Variants in RPTN observed in about 807,000 individuals in gnomAD.
RPTN encodes repetin, also known as intermediate filament-associated protein.
In RPTN, 4 loss-of-function variants were observed where a neutral mutation model predicts 3.6. That is an observed-to-expected ratio of 1.12 (90% confidence interval 0.55 to 2.55). The LOEUF is 2.55. Among genes scored for constraint, RPTN ranks in the 30% most tolerant of loss-of-function variants. RPTN has a pLI of 0.02. For synonymous variants in RPTN, 293 were observed against 319.3 expected, an observed-to-expected ratio of 0.92 and a Z score of 0.88; for missense variants, 860 against 916.7, an observed-to-expected ratio of 0.94 and a Z score of 0.80.
Position 152,155,080 on chromosome 1 carries a change from A to G in RPTN, c.2019T>C (p.Cys673=), listed in dbSNP as rs1347815406. Residue 673 remains cysteine (C), a synonymous_variant, in exon 3 of 3, where the codon TGT becomes TGC. Coordinates refer to ENST00000316073, the MANE Select transcript of RPTN (RefSeq NM_001122965.1). ...ATGATTGCCAGTCTCTCCCTTTGTG[A>G]CAAAGTGGTCTTTCTTGTTGGATTT... ...LAQIQQERPL[C]HKGRDWQSCS... The G allele has an allele frequency of 6.2e-7, 1 of 1,614,004 alleles. No individual in the cohort carries two copies. Among genetic ancestry groups the G allele is most frequent in the South Asian group, 1.1e-5 (1 of 91,078 alleles).
chr1:152,155,384 C>A lies in RPTN; in HGVS notation c.1715G>T (p.Gly572Val), dbSNP rs770023909. The change falls in exon 3 of 3, where the codon GGT (glycine) becomes GTT (valine). Residue 572 changes from glycine (G) to valine (V), a missense_variant. Gly to Val is a moderately radical substitution (Grantham distance 109). Coordinates refer to ENST00000316073, the MANE Select transcript of RPTN (RefSeq NM_001122965.1). ...ACTCTGGCCTTGTCTGTCTGTCTGACCATAATGATAGCTCTGGCCTTGTCT... is the reference window on the plus strand; with the variant it reads ...ACTCTGGCCTTGTCTGTCTGTCTGAACATAATGATAGCTCTGGCCTTGTCT... ...TDRQGQSYHY[G>V]QTDRQGQSSH... 1 of 1,613,926 alleles carries A rather than the reference C, an allele frequency of 6.2e-7. No individual in the cohort carries two copies. Among genetic ancestry groups the A allele is most frequent in the Non-Finnish European group, 8.5e-7 (1 of 1,179,982 alleles).
At chr1:152,157,016 T>A (rs1293668905) in intron 2 of RPTN, 56 bp from the exon 3 acceptor site, 2 of 1,439,814 alleles carry the variant, frequency 1.4e-6, no homozygotes, top group Non-Finnish European at 9.5e-7. Flanking sequence ...CATACTAAGA[T>A]GTGTATCAGT....
At position 152,155,493 on chromosome 1, in the gene RPTN, T is replaced by C. The variant is rs1196774238; in HGVS notation, c.1606A>G (p.Ser536Gly). 23 of 1,591,260 alleles carry C rather than the reference T, an allele frequency of 1.4e-5. No homozygotes were observed. The highest frequency in any genetic ancestry group is 8.6e-5 in the African/African-American group (6 of 70,090). The change falls in exon 3 of 3, where the codon AGT becomes GGT. Residue 536 changes from serine to glycine, a missense_variant. Transcript: ENST00000316073. ...CTCTGGCCTTGTCTGTCCATCTGACTGTAGTGGGAACTCTGGCCTTGTCTG... is the reference window on the plus strand; with the variant it reads ...CTCTGGCCTTGTCTGTCCATCTGACCGTAGTGGGAACTCTGGCCTTGTCTG... ...PDRQGQSSHYSQMDRQGQSSH... is the reference protein window; with the variant it reads ...PDRQGQSSHYGQMDRQGQSSH...
chr1:152,158,381 G>C (rs1659246451), intron 1 of RPTN, among the ~76,000 whole-genome samples: 2 of 152,180 alleles, frequency 1.3e-5, no homozygotes, highest in African/African-American at 4.8e-5. Context: ...TCTTAAGCAA[G>C]GAAGAAGGCT....
chr1:152,154,684 ATAGT>A lies in RPTN; in HGVS notation c.*56_*59del. ...ATCCTTGATACCTCTCTTTCTCCTC[ATAGT>A]TTTGTCTATTATGTTGTTGCTGATG... On this transcript the variant is annotated 3_prime_UTR_variant, in exon 3 of 3. Transcript: ENST00000316073. 6.3e-7 allele frequency: 1 copy of A among 1,578,944 alleles called. No individual in the cohort carries two copies. Among genetic ancestry groups the A allele is most frequent in the Non-Finnish European group, 8.6e-7 (1 of 1,161,264 alleles).
Position 152,154,510 on chromosome 1 carries a change from G to C in RPTN, c.*234C>G. The C allele has an allele frequency of 3.2e-6, 2 of 629,376 alleles. No individual in the cohort carries two copies. The highest frequency in any genetic ancestry group is 5.5e-6 in the Non-Finnish European group (2 of 366,098). The allele number at this position is 629,376 out of a possible 1,614,324, so 39.0% of individuals were successfully genotyped here. The stretch of plus-strand genomic sequence containing the variant: ...TGGCAGGGTGACCACGCTGTTCTCT[G>C]GTTTGGGGCCTCCCACTGCTCTGGG... On this transcript the variant is annotated 3_prime_UTR_variant, in exon 3 of 3. Coordinates refer to ENST00000316073, the MANE Select transcript of RPTN (RefSeq NM_001122965.1).
At chr1:152,157,111 G>T in intron 2 of RPTN, 151 bp from the exon 3 acceptor site, 1 of 663,470 alleles carries the variant, frequency 1.5e-6, no homozygotes, top group Admixed American at 2.9e-5. Flanking sequence ...CTTGGCGCTA[G>T]TCTTTGATCA....
chr1:152,157,562 T>TGC (rs1198314636), intron 2 of RPTN, among the ~76,000 whole-genome samples, 190 bp downstream of exon 2: 10 of 128,706 alleles, frequency 7.8e-5, no homozygotes, highest in African/African-American at 2.7e-4. Flanking sequence ...CAAGGAGGTG[T>TGC]GTGTGTGTGT....
Position 152,154,049 on chromosome 1 carries a change from C to T in RPTN, c.*695G>A, listed in dbSNP as rs1659141849. ...AATCCTTGGATGTAATGTAAATCTT[C>T]AGAATATCTTTTCTGTTTCTGAACT... On this transcript the variant is annotated 3_prime_UTR_variant, in exon 3 of 3. Transcript: ENST00000316073. The T allele has an allele frequency of 6.6e-6, 1 of 152,412 alleles. No individual in the cohort carries two copies. The highest frequency in any genetic ancestry group is 1.5e-5 in the Non-Finnish European group (1 of 68,156). The allele number at this position is 152,412 out of a possible 1,614,324, so 9.4% of individuals were successfully genotyped here.
chr1:152,156,784 C>A lies in RPTN; in HGVS notation c.315G>T (p.Gln105His), dbSNP rs201045648. ...GGRTSQQERG[Q>H]EGAQDCKFPG... The stretch of plus-strand genomic sequence containing the variant: ...GGAACTTACAGTCTTGTGCTCCTTC[C>A]TGCCCCCTTTCTTGCTGTGAGGTCC... The change falls in exon 3 of 3, where the codon CAG becomes CAT. Residue 105 changes from glutamine (Q) to histidine (H), a missense_variant. Transcript: ENST00000316073. 745 of 1,614,218 alleles carry A rather than the reference C, an allele frequency of 4.6e-4. No individual in the cohort carries two copies. Among genetic ancestry groups the A allele is most frequent in the Non-Finnish European group, 5.8e-4 (688 of 1,180,040 alleles).
Position 152,154,020 on chromosome 1 carries a change from G to C in RPTN, c.*724C>G, listed in dbSNP as rs1659141585. On this transcript the variant is annotated 3_prime_UTR_variant, in exon 3 of 3. Coordinates refer to ENST00000316073, the MANE Select transcript of RPTN (RefSeq NM_001122965.1). ...GGGTTCCTTGAGGAGTGGAGATGTAGTATAATCCTTGGATGTAATGTAAAT... is the reference window on the plus strand; with the variant it reads ...GGGTTCCTTGAGGAGTGGAGATGTACTATAATCCTTGGATGTAATGTAAAT... 1 of 152,442 alleles carries C rather than the reference G, an allele frequency of 6.6e-6. No homozygotes were observed. The highest frequency in any genetic ancestry group is 6.5e-5 in the Admixed American group (1 of 15,290). 9.4% of individuals were successfully genotyped at this position (152,442 alleles called of 1,614,324 possible). A position where few individuals can be genotyped will look rare whatever the true frequency, so the allele number is the denominator to read the frequency against.
intron 2 of RPTN, 65 bp from the exon 3 acceptor site, chr1:152,157,025 G>C (rs1294262613): frequency 1.3e-5 from 18 of 1,383,502 alleles, no homozygotes; most frequent in South Asian, 6.5e-5. Context: ...ATGTGTATCA[G>C]TGTTCATGCC....
In RPTN at chr1:152,155,338, C is replaced by G. The variant is rs1000477799; in HGVS notation, c.1761G>C (p.Gln587His). 1.2e-6 allele frequency: 2 copies of G among 1,614,230 alleles called. No homozygotes were observed. Among genetic ancestry groups the G allele is most frequent in the Middle Eastern group, 1.6e-4 (1 of 6,062 alleles). ...TATTTTGCCCTTGTATTTCCCCAGTCTGTGATTGAATATAGTGGGAACTCT... is the reference window on the plus strand; with the variant it reads ...TATTTTGCCCTTGTATTTCCCCAGTGTGTGATTGAATATAGTGGGAACTCT... ...QGQSSHYIQS[Q>H]TGEIQGQNKY... The change falls in exon 3 of 3, where the codon CAG (glutamine) becomes CAC (histidine). Residue 587 changes from glutamine (Q) to histidine (H), a missense_variant. Gln to His is a conservative substitution (Grantham distance 24). Transcript: ENST00000316073.
At position 152,154,084 on chromosome 1, in the gene RPTN, A is replaced by G. The variant is rs1282378024; in HGVS notation, c.*660T>C. On this transcript the variant is annotated 3_prime_UTR_variant, in exon 3 of 3. Coordinates refer to ENST00000316073, the MANE Select transcript of RPTN (RefSeq NM_001122965.1). ...TTTCTGTTTCTGAACTTTAGGGAGA[A>G]GTGTTCTACCTTTCAATGATTCAAC... 6 of 152,380 alleles carry G rather than the reference A, an allele frequency of 3.9e-5. No homozygotes were observed. The highest frequency in any genetic ancestry group is 9.7e-5 in the African/African-American group (4 of 41,442). 9.4% of individuals were successfully genotyped at this position (152,380 alleles called of 1,614,324 possible).
chr1:152,155,960 C>G lies in RPTN; in HGVS notation c.1139G>C (p.Gly380Ala). Reference protein sequence around the residue: ...PNRQGQSSHYGQPDTQDQSSH... With the variant: ...PNRQGQSSHYAQPDTQDQSSH... ...ACTCTGATCTTGTGTGTCTGGCTGACCATAGTGGGAACTCTGACCTTGTCT... is the reference window on the plus strand; with the variant it reads ...ACTCTGATCTTGTGTGTCTGGCTGAGCATAGTGGGAACTCTGACCTTGTCT... The change falls in exon 3 of 3, where the codon GGT becomes GCT. Residue 380 changes from glycine (G) to alanine (A), a missense_variant. By Grantham distance (60) the Gly-to-Ala change is moderately conservative. Transcript: ENST00000316073. 1 of 1,613,592 alleles carries G rather than the reference C, an allele frequency of 6.2e-7. No homozygotes were observed. Among genetic ancestry groups the G allele is most frequent in the Non-Finnish European group, 8.5e-7 (1 of 1,179,978 alleles).
rs1225141770 is a variant in RPTN, at chr1:152,158,023, C to A, written c.-20-114G>T. ...GAGAAAGTTTAAGAAGTGAGAGAGCCCCTTCTTAGCTGTACCCCTTCCTTG... is the reference window on the plus strand; with the variant it reads ...GAGAAAGTTTAAGAAGTGAGAGAGCACCTTCTTAGCTGTACCCCTTCCTTG... On this transcript the variant is annotated intron_variant, in intron 1 of 2. Coordinates refer to ENST00000316073, the MANE Select transcript of RPTN (RefSeq NM_001122965.1). 3 of 790,996 alleles carry A rather than the reference C, an allele frequency of 3.8e-6. No individual in the cohort carries two copies. In the Admixed American group the frequency reaches 7.0e-5, roughly 18 times the overall value. The allele number at this position is 790,996 out of a possible 1,614,324, so 49.0% of individuals were successfully genotyped here.
chr1:152,158,750 G>A (rs929796890), intron 1 of RPTN, among the ~76,000 whole-genome samples: 13 of 152,256 alleles, frequency 8.5e-5, no homozygotes, highest in African/African-American at 3.1e-4. Context: ...AAACAGTGAT[G>A]TCTATAAGAA....
At position 152,156,903 on chromosome 1, in the gene RPTN, C is replaced by T. The variant is rs1449911408; in HGVS notation, c.196G>A (p.Asp66Asn). ...TILNLLDQDR[D>N]GHIDFHEYLL... is the part of the protein sequence containing the mutation. ...TACTCATGAAAATCAATATGTCCAT[C>T]TCGGTCTTGATCTAAGAGGTTCAAG... is the stretch of plus-strand genomic sequence containing the variant. The change falls in exon 3 of 3, where the codon GAT becomes AAT. Residue 66 changes from aspartate to asparagine, a missense_variant. Physicochemically the swap from Asp to Asn is conservative, Grantham distance 23. Transcript: ENST00000316073. 1 of 1,614,066 alleles carries T rather than the reference C, an allele frequency of 6.2e-7. No homozygotes were observed. Among genetic ancestry groups the T allele is most frequent in the Non-Finnish European group, 8.5e-7 (1 of 1,180,048 alleles).
Position 152,154,888 on chromosome 1 carries a change from C to G in RPTN, c.2211G>C (p.Glu737Asp). The change falls in exon 3 of 3, where the codon GAG becomes GAC. Residue 737 changes from glutamate to aspartate, a missense_variant. Transcript: ENST00000316073. The stretch of plus-strand genomic sequence containing the variant: ...GTCTGTCTCGTCTCTGATGGTTCTG[C>G]TCATCTTTATGGGTTCGCCTGTCCT... The part of the protein sequence containing the change: ...GTQDRRTHKD[E>D]QNHQRRDRQT... 1.9e-6 allele frequency: 3 copies of G among 1,614,094 alleles called. No homozygotes were observed. The highest frequency in any genetic ancestry group is 2.5e-6 in the Non-Finnish European group (3 of 1,180,034).
Sources: gnomAD v4.1 joint callset for allele counts (sites outside exome capture counted in the v4.1 genomes callset) on GRCh38, gnomAD v4.1.1 for gene constraint, MANE v1.5 for transcripts, NCBI Gene and HGNC (gene_info 2026-07-23, HGNC 2026-07-21) for gene names.